The following FOXP2 variants were observed in gnomAD, a reference collection of about 807,000 sequenced individuals.
The protein encoded by FOXP2 is forkhead box protein P2.
In FOXP2, 12 loss-of-function variants were observed where a neutral mutation model predicts 115.8. The ratio of observed to expected loss-of-function variants is 0.10; its 90% CI spans 0.07 to 0.17. FOXP2 has a LOEUF of 0.17. Among genes scored for constraint, FOXP2 ranks in the 10% least tolerant of loss-of-function variants. FOXP2 has a pLI of 1.00. For missense variants in FOXP2, 629 were observed against 843.5 expected (o/e 0.75, Z 3.15); for synonymous variants, 328 against 297.7 (o/e 1.10, Z -1.05).
intron 2 of FOXP2, among the ~76,000 whole-genome samples, chr7:114,497,470 A>G (rs1010367088): frequency 6.6e-6 from 1 of 152,084 alleles, no homozygotes; most frequent in African/African-American, 2.4e-5. Flanking sequence ...CAACATGGCA[A>G]AAACCCATTT....
At chr7:114,501,438 A>C (rs1797562980) in intron 2 of FOXP2, among the ~76,000 whole-genome samples, 1 of 152,080 alleles carries the variant, frequency 6.6e-6, no homozygotes, top group Admixed American at 6.6e-5. Context: ...AGGAGCTGCT[A>C]TTTGCCTTGA....
chr7:114,633,773 G>A (rs930689137), intron 6 of FOXP2, among the ~76,000 whole-genome samples: 2 of 152,046 alleles, frequency 1.3e-5, no homozygotes, highest in Admixed American at 6.6e-5. Context: ...AACTAGAGTG[G>A]GGAAAAAGTA....
intron 1 of FOXP2, among the ~76,000 whole-genome samples, chr7:114,202,352 G>A (rs996534859): frequency 1.3e-5 from 2 of 152,104 alleles, no homozygotes; most frequent in Admixed American, 1.3e-4. Flanking sequence ...GCTGGCTATA[G>A]GCTTATAAGG....
At chr7:114,235,234 C>T (rs1794980751) in intron 1 of FOXP2, among the ~76,000 whole-genome samples, 1 of 152,062 alleles carries the variant, frequency 6.6e-6, no homozygotes, top group South Asian at 2.1e-4. Context: ...TTAGTTTACA[C>T]ATTATTCTTA....
intron 2 of FOXP2, among the ~76,000 whole-genome samples, chr7:114,349,993 A>T (rs1791442254): frequency 6.6e-6 from 1 of 152,178 alleles, no homozygotes; most frequent in African/African-American, 2.4e-5. Flanking sequence ...TAATACAAAG[A>T]TAAAATAGCT....
At chr7:114,301,850 C>A (rs1796886129) in intron 2 of FOXP2, among the ~76,000 whole-genome samples, 1 of 152,104 alleles carries the variant, frequency 6.6e-6, no homozygotes, top group Admixed American at 6.6e-5. Context: ...TTTCCCCTGA[C>A]TTCCAGAACT....
At position 114,692,041 on chromosome 7, in the gene FOXP2, G is replaced by A. The variant is rs550658967; in HGVS notation, c.*2115G>A. The A allele has an allele frequency of 2.2e-6, 1 of 454,070 alleles. No individual in the cohort carries two copies. The highest frequency in any genetic ancestry group is 7.0e-5 in the East Asian group (1 of 14,386). 28.1% of individuals were successfully genotyped at this position (454,070 alleles called of 1,614,324 possible). On this transcript the variant is annotated 3_prime_UTR_variant, in exon 17 of 17. Transcript: ENST00000350908. ...CTACTTTTCATTATGTTTGTCTTTG[G>A]GTCATGATCAACGAACCGGAAGTTT...
intron 2 of FOXP2, among the ~76,000 whole-genome samples, chr7:114,447,344 G>A (rs1794877832): frequency 6.6e-6 from 1 of 151,780 alleles, no homozygotes. Flanking sequence ...CTATTTTTCT[G>A]GGTAAGCACC....
chr7:114,664,881 TTAAC>T (rs1432806146), intron 16 of FOXP2: 4 of 197,102 alleles, frequency 2.0e-5, no homozygotes, highest in Non-Finnish European at 4.2e-5. Context: ...AATGCAAAGT[TTAAC>T]TGTTACCCAC....
chr7:114,232,291 G>A (rs1239417344), intron 1 of FOXP2, among the ~76,000 whole-genome samples: 1 of 152,078 alleles, frequency 6.6e-6, no homozygotes, highest in African/African-American at 2.4e-5. Flanking sequence ...CAGCCACTAC[G>A]GTAAACAGTA....
chr7:114,653,410 A>G, intron 9 of FOXP2: 1 of 179,748 alleles, frequency 5.6e-6, no homozygotes, highest in Non-Finnish European at 1.2e-5. Flanking sequence ...GGCAGAGTTC[A>G]GCGTTTCACA....
chr7:114,480,724 T>G (rs1164442039), intron 2 of FOXP2, among the ~76,000 whole-genome samples: 3 of 150,614 alleles, frequency 2.0e-5, no homozygotes, highest in Non-Finnish European at 4.5e-5. Flanking sequence ...TGTATATACA[T>G]ATACACGTAT....
At chr7:114,285,251 T>A (rs1313722720) in intron 1 of FOXP2, among the ~76,000 whole-genome samples, 1 of 152,152 alleles carries the variant, frequency 6.6e-6, no homozygotes, top group African/African-American at 2.4e-5. Context: ...AGTTAAAAAA[T>A]CAAATGGAAT....
Position 114,328,412 on chromosome 7 carries a change from A to G in FOXP2, c.-11+40303A>G, listed in dbSNP as rs1024535845. On this transcript the variant is annotated intron_variant, in intron 2 of 17. Transcript: ENST00000634411. ...CCACCACGCCCGGCAAATTTTTTGT[A>G]TTTTTGGTAGAGACAGGGTTTCACC... 3.3e-5 allele frequency among the ~76,000 whole-genome samples: 5 copies of G among 151,092 alleles called. 1 individual carries two copies. The highest frequency in any genetic ancestry group is 1.2e-4 in the African/African-American group (5 of 41,064).
chr7:114,458,317 T>A (rs879496428), intron 2 of FOXP2, among the ~76,000 whole-genome samples: 3 of 152,078 alleles, frequency 2.0e-5, no homozygotes, highest in South Asian at 4.1e-4. Context: ...TTTTTATGAT[T>A]GTAAGAATTT....
intron 2 of FOXP2, among the ~76,000 whole-genome samples, chr7:114,402,421 C>T (rs1191823050): frequency 6.6e-6 from 1 of 152,096 alleles, no homozygotes; most frequent in Non-Finnish European, 1.5e-5. Flanking sequence ...GTGTAAAGAA[C>T]ATATATCCAC....
At chr7:114,303,884 T>A (rs1412107174) in intron 2 of FOXP2, among the ~76,000 whole-genome samples, 1 of 152,124 alleles carries the variant, frequency 6.6e-6, no homozygotes, top group Non-Finnish European at 1.5e-5. Context: ...AAACATGAGA[T>A]GTTTTATTCT....
intron 3 of FOXP2, among the ~76,000 whole-genome samples, chr7:114,565,302 T>C (rs568688845): frequency 6.6e-6 from 1 of 152,174 alleles, no homozygotes; most frequent in Non-Finnish European, 1.5e-5. Flanking sequence ...TATATCCACA[T>C]GGCTAATATA....
At chr7:114,555,280 C>T (rs1324211329) in intron 3 of FOXP2, among the ~76,000 whole-genome samples, 1 of 152,084 alleles carries the variant, frequency 6.6e-6, no homozygotes, top group Admixed American at 6.5e-5. Context: ...GTAGTTTGAG[C>T]TGGAAGTGAA....
Sources: allele counts gnomAD v4.1 joint callset (sites outside exome capture counted in the v4.1 genomes callset), GRCh38; gene constraint gnomAD v4.1.1; transcripts MANE v1.5; gene names NCBI Gene and HGNC (gene_info 2026-07-23, HGNC 2026-07-21).